Variants in NCOA3 observed in about 807,000 individuals in gnomAD.
NCOA3 encodes nuclear receptor coactivator 3.
NCOA3 carries 51 observed loss-of-function variants against 158.8 expected under a neutral mutation model. That is an observed-to-expected ratio of 0.32 (90% CI 0.26 to 0.41). NCOA3 has a LOEUF of 0.41. Among genes scored for constraint, NCOA3 ranks in the 10% least tolerant of loss-of-function variants. NCOA3 has a pLI of 1.00. For synonymous variants in NCOA3, 537 were observed against 592.4 expected, an observed-to-expected ratio of 0.91 and a Z score of 1.36; for missense variants, 1,510 against 1,746.6, an observed-to-expected ratio of 0.86 and a Z score of 2.41.
intron 21 of NCOA3, 105 bp from the exon 22 acceptor site, chr20:47,652,826 G>T: frequency 7.5e-7 from 1 of 1,338,060 alleles, no homozygotes; most frequent in Non-Finnish European, 1.0e-6. Context: ...AACATTCCCA[G>T]CTTAAGTATA....
At chr20:47,581,067 C>T (rs2085444985) in intron 1 of NCOA3, among the ~76,000 whole-genome samples, 1 of 152,094 alleles carries the variant, frequency 6.6e-6, no homozygotes. Context: ...TACCACCACA[C>T]TCCAGCCAGT....
intron 1 of NCOA3, among the ~76,000 whole-genome samples, chr20:47,539,705 A>G (rs901865586): frequency 7.2e-5 from 11 of 152,344 alleles, no homozygotes; most frequent in African/African-American, 2.4e-4. Context: ...GATACCATCA[A>G]TTATAGAACA....
At chr20:47,531,137 A>T (rs563590611) in intron 1 of NCOA3, among the ~76,000 whole-genome samples, 76 of 152,118 alleles carry the variant, frequency 5.0e-4, no homozygotes, top group Admixed American at 2.3e-3. Flanking sequence ...TAAGGAGTTC[A>T]AGATCAGCCT....
intron 1 of NCOA3, among the ~76,000 whole-genome samples, chr20:47,556,799 ATGG>A (rs1478912400): frequency 1.3e-5 from 2 of 152,240 alleles, no homozygotes; most frequent in Non-Finnish European, 2.9e-5. Context: ...GTCTCAAAAG[ATGG>A]TGGACATCAA....
In NCOA3 at chr20:47,524,588, T is replaced by A. The variant is rs543740457; in HGVS notation, c.-99+22569T>A. Among the ~76,000 whole-genome samples, 451 of 152,216 alleles carry A rather than the reference T, an allele frequency of 3.0e-3. 1 individual carries two copies. Among genetic ancestry groups the A allele is most frequent in the Non-Finnish European group, 4.7e-3 (321 of 68,014 alleles). On this transcript the variant is annotated intron_variant, in intron 1 of 22. Coordinates refer to ENST00000371998, the MANE Select transcript of NCOA3 (RefSeq NM_181659.3). Reference sequence around the variant, plus strand: ...GAGTGGTTTTAAGGAGCAGAAGGTTTAATAGATAAGAAGTGAAGGGACAAG... The same window carrying A: ...GAGTGGTTTTAAGGAGCAGAAGGTTAAATAGATAAGAAGTGAAGGGACAAG...
At chr20:47,642,739 C>T (rs758103759) in intron 17 of NCOA3, among the ~76,000 whole-genome samples, 6 of 152,012 alleles carry the variant, frequency 3.9e-5, no homozygotes, top group Non-Finnish European at 5.9e-5. Context: ...TTAGCCAAGC[C>T]GTGTGTATTC....
intron 17 of NCOA3, among the ~76,000 whole-genome samples, chr20:47,644,764 C>T (rs1437440557): frequency 6.6e-6 from 1 of 152,004 alleles, no homozygotes; most frequent in Non-Finnish European, 1.5e-5. Flanking sequence ...GAAGCGTGAT[C>T]TCGGCTCACT....
At chr20:47,650,731 T>C (rs1367394973) in intron 19 of NCOA3, among the ~76,000 whole-genome samples, 1 of 151,016 alleles carries the variant, frequency 6.6e-6, no homozygotes, top group African/African-American at 2.5e-5. Context: ...AGAGTGGTGG[T>C]GCACGCCTGT....
intron 17 of NCOA3, among the ~76,000 whole-genome samples, chr20:47,645,246 C>T (rs918601243): frequency 5.9e-5 from 9 of 152,026 alleles, no homozygotes; most frequent in African/African-American, 1.9e-4. Context: ...GTACCTTTGT[C>T]GGGTAGGTAG....
At chr20:47,564,543 C>A (rs1175069743) in intron 1 of NCOA3, among the ~76,000 whole-genome samples, 1 of 127,296 alleles carries the variant, frequency 7.9e-6, no homozygotes, top group Non-Finnish European at 1.6e-5. Context: ...ATTTATTTCT[C>A]CTCTTTTTTT....
chr20:47,557,695 G>C (rs1204247424), intron 1 of NCOA3, among the ~76,000 whole-genome samples: 1 of 152,128 alleles, frequency 6.6e-6, no homozygotes, highest in Non-Finnish European at 1.5e-5. Context: ...AGATAATTCA[G>C]TTTATTGACA....
chr20:47,641,514 T>G (rs2086609903), intron 16 of NCOA3, among the ~76,000 whole-genome samples: 3 of 139,072 alleles, frequency 2.2e-5, no homozygotes, highest in African/African-American at 8.3e-5. Context: ...TTTTTTTTTT[T>G]TTTTGAGACA....
At chr20:47,615,099 G>C (rs2086110599) in intron 2 of NCOA3, among the ~76,000 whole-genome samples, 1 of 152,148 alleles carries the variant, frequency 6.6e-6, no homozygotes, top group African/African-American at 2.4e-5. Context: ...ATCTGTGTGT[G>C]CTCTAGTGGA....
At chr20:47,557,970 TG>T (rs773656041) in intron 1 of NCOA3, among the ~76,000 whole-genome samples, 43 of 152,308 alleles carry the variant, frequency 2.8e-4, no homozygotes, top group Non-Finnish European at 5.7e-4. Context: ...TGCTTCCTTC[TG>T]AAGCCTCTTT....
At chr20:47,517,265 C>A (rs1762975263) in intron 1 of NCOA3, among the ~76,000 whole-genome samples, 1 of 152,034 alleles carries the variant, frequency 6.6e-6, no homozygotes, top group African/African-American at 2.4e-5. Context: ...CGAAACAGTA[C>A]AGAGTAAAAA....
At chr20:47,540,527 G>A (rs2084706536) in intron 1 of NCOA3, among the ~76,000 whole-genome samples, 1 of 150,602 alleles carries the variant, frequency 6.6e-6, no homozygotes, top group East Asian at 1.9e-4. Context: ...AGCTGAGACC[G>A]CAGGATTGTA....
chr20:47,560,199 C>A (rs1459490032), intron 1 of NCOA3, among the ~76,000 whole-genome samples: 1 of 152,184 alleles, frequency 6.6e-6, no homozygotes, highest in Non-Finnish European at 1.5e-5. Context: ...CCTGCCTCAG[C>A]CACCCGAGTA....
At chr20:47,544,428 G>A (rs557837629) in intron 1 of NCOA3, among the ~76,000 whole-genome samples, 11 of 149,824 alleles carry the variant, frequency 7.3e-5, no homozygotes, top group Non-Finnish European at 1.5e-4. Flanking sequence ...GGTTTAAGCG[G>A]TCCTTCTGTG....
At chr20:47,567,357 T>C (rs1359646255) in intron 1 of NCOA3, among the ~76,000 whole-genome samples, 4 of 151,930 alleles carry the variant, frequency 2.6e-5, no homozygotes, top group Non-Finnish European at 5.9e-5. Context: ...TACTTTGTTT[T>C]GTTTGATGTA....
Sources: allele counts gnomAD v4.1 joint callset (sites outside exome capture counted in the v4.1 genomes callset), GRCh38; gene constraint gnomAD v4.1.1; transcripts MANE v1.5; gene names NCBI Gene and HGNC (gene_info 2026-07-23, HGNC 2026-07-21).